Variants in SRD5A1 observed in about 807,000 individuals in gnomAD.
The protein encoded by SRD5A1 is 3-oxo-5-alpha-steroid 4-dehydrogenase 1.
A neutral mutation model predicts 28.2 loss-of-function variants in SRD5A1; 22 were observed. The ratio of observed to expected loss-of-function variants is 0.78; its 90% CI spans 0.56 to 1.12. The LOEUF is 1.12. Ranked by LOEUF, SRD5A1 falls within the 50% of genes most tolerant of loss-of-function variation. SRD5A1 has a pLI of 0.00. For missense variants in SRD5A1, 300 were observed against 346.7 expected (o/e 0.87, Z 1.07); for synonymous variants, 151 against 135.0 (o/e 1.12, Z -0.82).
At chr5:6,634,822 A>G (rs1011893141) in intron 1 of SRD5A1, among the ~76,000 whole-genome samples, 2 of 152,274 alleles carry the variant, frequency 1.3e-5, no homozygotes, top group African/African-American at 4.8e-5. Context: ...TCCAGGTCGT[A>G]TCTTTTGGCT....
intron 1 of SRD5A1, among the ~76,000 whole-genome samples, chr5:6,636,240 C>T (rs1381765084): frequency 2.0e-5 from 3 of 152,106 alleles, no homozygotes; most frequent in Non-Finnish European, 2.9e-5. Context: ...GGAAGAGAAC[C>T]AGAGTGGAAA....
chr5:6,638,254 G>A (rs1167541531), intron 1 of SRD5A1, among the ~76,000 whole-genome samples: 3 of 152,298 alleles, frequency 2.0e-5, no homozygotes, highest in East Asian at 1.9e-4. Context: ...CAGGAGAATC[G>A]CTTGAACCCA....
At chr5:6,648,188 T>G (rs1738563949) in intron 1 of SRD5A1, among the ~76,000 whole-genome samples, 1 of 152,202 alleles carries the variant, frequency 6.6e-6, no homozygotes, top group African/African-American at 2.4e-5. Context: ...TAACCAGCCC[T>G]TTCTCTCTGG....
At chr5:6,667,340 T>G (rs1228901427) in intron 4 of SRD5A1, among the ~76,000 whole-genome samples, 1 of 152,212 alleles carries the variant, frequency 6.6e-6, no homozygotes, top group Admixed American at 6.5e-5. Flanking sequence ...GCCCAGTATG[T>G]TCGAATTCTC....
At chr5:6,638,793 G>C (rs555536955) in intron 1 of SRD5A1, among the ~76,000 whole-genome samples, 32 of 152,322 alleles carry the variant, frequency 2.1e-4, no homozygotes, top group African/African-American at 7.7e-4. Context: ...GTGCAATTTG[G>C]CCATCATTTC....
At chr5:6,638,581 C>T (rs1486456406) in intron 1 of SRD5A1, among the ~76,000 whole-genome samples, 13 of 152,214 alleles carry the variant, frequency 8.5e-5, no homozygotes, top group Non-Finnish European at 2.9e-5. Context: ...TTTCCATGTG[C>T]TTATGTAAGA....
At chr5:6,661,530 CTTTTTTTTTTT>C (rs11402128) in intron 3 of SRD5A1, among the ~76,000 whole-genome samples, 5 of 118,276 alleles carry the variant, frequency 4.2e-5, no homozygotes, top group Admixed American at 2.8e-4. Context: ...ATAGGTTTGT[CTTTTTTTTTTT>C]TTTTTTTTTG....
At chr5:6,644,564 G>A (rs1371736822) in intron 1 of SRD5A1, among the ~76,000 whole-genome samples, 1 of 152,134 alleles carries the variant, frequency 6.6e-6, no homozygotes, top group Non-Finnish European at 1.5e-5. Flanking sequence ...GAAGTGGGCT[G>A]CTTGCTCTTG....
chr5:6,665,256 G>A (rs1357726549), intron 4 of SRD5A1, among the ~76,000 whole-genome samples: 3 of 152,216 alleles, frequency 2.0e-5, no homozygotes, highest in Non-Finnish European at 4.4e-5. Context: ...CAGAGGGAGC[G>A]TAGCCCTGCT....
intron 4 of SRD5A1, among the ~76,000 whole-genome samples, chr5:6,664,974 C>G (rs1035292937): frequency 2.6e-5 from 4 of 152,248 alleles, no homozygotes; most frequent in African/African-American, 9.6e-5. Context: ...ACACTGTGGG[C>G]CAGGAATGGG....
intron 3 of SRD5A1, 132 bp downstream of exon 3, chr5:6,656,311 T>C (rs1194135856): frequency 1.4e-6 from 1 of 711,092 alleles, no homozygotes; most frequent in Admixed American, 2.7e-5. Flanking sequence ...GTCATCATTA[T>C]TAATAACAAG....
chr5:6,633,539 G>T lies in SRD5A1; in HGVS notation c.-38G>T, dbSNP rs1243892184. On this transcript the variant is annotated 5_prime_UTR_variant, in exon 1 of 5. Transcript: ENST00000274192. ...CGCCGCCCTATATGTTGCCCGCCGC[G>T]GCCTCTGGGGCATGGAGCACGCTGC... 3 of 1,435,292 alleles carry T rather than the reference G, an allele frequency of 2.1e-6. No individual in the cohort carries two copies. Among genetic ancestry groups the T allele is most frequent in the East Asian group, 2.9e-5 (1 of 35,004 alleles). The allele number at this position is 1,435,292 out of a possible 1,614,324, so 88.9% of individuals were successfully genotyped here.
At chr5:6,652,064 T>C (rs1364013789) in intron 2 of SRD5A1, 56 bp downstream of exon 2, 6 of 1,537,880 alleles carry the variant, frequency 3.9e-6, no homozygotes, top group Non-Finnish European at 4.4e-6. Flanking sequence ...TTTATATTGA[T>C]GTCCCAGTGG....
At position 6,639,505 on chromosome 5, in the gene SRD5A1, C is replaced by T. The variant is rs1318605891; in HGVS notation, c.293+5636C>T. Among the ~76,000 whole-genome samples the T allele has an allele frequency of 2.6e-5, 4 of 152,166 alleles. 1 individual carries two copies. The South Asian group carries it at 8.3e-4, about 32-fold the overall frequency. ...CTCAGTGCCCTTGTGTGGGTGCCAC[C>T]CCACAGCCCTCGCGGACAGTAAGAA... On this transcript the variant is annotated intron_variant, in intron 1 of 4. Transcript: ENST00000274192.
chr5:6,637,562 C>T (rs756682675), intron 1 of SRD5A1, among the ~76,000 whole-genome samples: 9 of 152,230 alleles, frequency 5.9e-5, no homozygotes, highest in East Asian at 1.9e-4. Context: ...GTTCAGTATT[C>T]CCTGAACCCA....
At chr5:6,641,693 C>G (rs1738366011) in intron 1 of SRD5A1, among the ~76,000 whole-genome samples, 1 of 152,218 alleles carries the variant, frequency 6.6e-6, no homozygotes, top group Non-Finnish European at 1.5e-5. Flanking sequence ...CCAGTCCTTG[C>G]AGTTCTCAGA....
At chr5:6,642,124 T>C (rs8192164) in intron 1 of SRD5A1, among the ~76,000 whole-genome samples, 5,879 of 152,344 alleles carry the variant, frequency 0.039, 230 homozygotes, top group South Asian at 0.099. Flanking sequence ...ATGAGAAGAA[T>C]AGAATTCTTT....
In SRD5A1 at chr5:6,662,882, C is replaced by T. The variant is rs903285160; in HGVS notation, c.629C>T (p.Ala210Val). The change falls in exon 4 of 5, where the codon GCC (alanine) becomes GTC (valine). Residue 210 changes from alanine to valine, a missense_variant. Ala to Val is a moderately conservative substitution (Grantham distance 64). Transcript: ENST00000274192. ...GAAATCATGGAGTGGTGTGGCTATG[C>T]CCTGGCCAGCTGGTCTGTCCAAGGC... Reference protein sequence around the residue: ...FGEIMEWCGYALASWSVQGAA... With the variant: ...FGEIMEWCGYVLASWSVQGAA... 1.2e-6 allele frequency: 2 copies of T among 1,613,178 alleles called. No homozygotes were observed. Among genetic ancestry groups the T allele is most frequent in the African/African-American group, 2.7e-5 (2 of 74,874 alleles).
intron 1 of SRD5A1, among the ~76,000 whole-genome samples, chr5:6,643,146 A>T (rs960286824): frequency 5.3e-5 from 8 of 151,556 alleles, no homozygotes; most frequent in African/African-American, 1.9e-4. Context: ...AAATATTCTC[A>T]CCGGTAGTTG....
Sources: gnomAD v4.1 joint callset for allele counts (sites outside exome capture counted in the v4.1 genomes callset) on GRCh38, gnomAD v4.1.1 for gene constraint, MANE v1.5 for transcripts, NCBI Gene and HGNC (gene_info 2026-07-23, HGNC 2026-07-21) for gene names.